The following MS4A4A variants were observed in gnomAD, a reference collection of about 807,000 sequenced individuals.
MS4A4A encodes the protein membrane-spanning 4-domains subfamily A member 4A.
MS4A4A carries 26 observed loss-of-function variants against 28.0 expected under a neutral mutation model. The ratio of observed to expected loss-of-function variants is 0.93; its 90% CI spans 0.68 to 1.29. The LOEUF is 1.29. Ranked by LOEUF, MS4A4A falls within the 50% of genes most tolerant of loss-of-function variation. The pLI is 0.00. For synonymous variants in MS4A4A, 86 were observed against 100.8 expected (o/e 0.85, Z 0.88); for missense variants, 290 against 293.1 (o/e 0.99, Z 0.08).
At chr11:60,304,676 C>A (rs11230239) in intron 5 of MS4A4A, among the ~76,000 whole-genome samples, 2 of 152,052 alleles carry the variant, frequency 1.3e-5, no homozygotes, top group African/African-American at 2.4e-5. Context: ...TGAAATACAA[C>A]GAAGCCCATT....
At chr11:60,285,002 A>G (rs2084791544) in intron 1 of MS4A4A, among the ~76,000 whole-genome samples, 1 of 152,222 alleles carries the variant, frequency 6.6e-6, no homozygotes, top group Non-Finnish European at 1.5e-5. Flanking sequence ...TAAATAGAAG[A>G]TATTCGGCCT....
chr11:60,291,058 G>A (rs2084851636), intron 1 of MS4A4A, among the ~76,000 whole-genome samples: 1 of 152,104 alleles, frequency 6.6e-6, no homozygotes, highest in Admixed American at 6.5e-5. Flanking sequence ...TATGGAAGTT[G>A]ATCATGAAAC....
chr11:60,282,743 A>C, intron 1 of MS4A4A: 1 of 1,258,952 alleles, frequency 7.9e-7, no homozygotes, highest in Non-Finnish European at 1.0e-6. Context: ...ATTCGAGGTA[A>C]GACTACAATA....
intron 5 of MS4A4A, among the ~76,000 whole-genome samples, chr11:60,304,789 G>A (rs2084983517): frequency 6.6e-6 from 1 of 152,150 alleles, no homozygotes; most frequent in South Asian, 2.1e-4. Context: ...ACATTATCTG[G>A]CCTTTACAGA....
chr11:60,297,378 T>C, intron 3 of MS4A4A, 53 bp downstream of exon 3: 5 of 1,586,554 alleles, frequency 3.2e-6, no homozygotes, highest in Non-Finnish European at 4.3e-6. Context: ...CAGTTGTCAA[T>C]ACCCTGATCT....
At chr11:60,290,089 A>T (rs1392669903) in intron 1 of MS4A4A, 1 of 445,440 alleles carries the variant, frequency 2.2e-6, no homozygotes, top group Admixed American at 2.4e-5. Context: ...TATGGACTCC[A>T]ATGGAGGACT....
intron 3 of MS4A4A, among the ~76,000 whole-genome samples, chr11:60,300,706 T>C (rs1219662976): frequency 6.6e-6 from 1 of 151,858 alleles, no homozygotes; most frequent in Non-Finnish European, 1.5e-5. Context: ...TTTGGTACCA[T>C]GTAAGAATTA....
chr11:60,307,963 C>A, intron 6 of MS4A4A, 144 bp from the exon 7 acceptor site: 1 of 748,574 alleles, frequency 1.3e-6, no homozygotes, highest in Non-Finnish European at 2.3e-6. Flanking sequence ...AAGAGAGTGA[C>A]TGAGAAACCC....
At chr11:60,290,909 A>T (rs1048467672) in intron 1 of MS4A4A, among the ~76,000 whole-genome samples, 1 of 151,508 alleles carries the variant, frequency 6.6e-6, no homozygotes, top group Admixed American at 6.6e-5. Flanking sequence ...GAGTACAACA[A>T]TTTTTTTTTC....
intron 1 of MS4A4A, among the ~76,000 whole-genome samples, chr11:60,284,148 C>T (rs1257055268): frequency 2.6e-5 from 4 of 152,138 alleles, no homozygotes; most frequent in Non-Finnish European, 4.4e-5. Flanking sequence ...AAATTTTGGC[C>T]CTGCCACTGT....
chr11:60,305,511 AATCTCT>A (rs1167138657), intron 5 of MS4A4A, among the ~76,000 whole-genome samples: 1 of 152,236 alleles, frequency 6.6e-6, no homozygotes, highest in Admixed American at 6.5e-5. Context: ...AGCATCTTCA[AATCTCT>A]CTTGAACTCT....
intron 1 of MS4A4A, among the ~76,000 whole-genome samples, chr11:60,291,811 A>AAC (rs2084859284): frequency 6.6e-6 from 1 of 150,974 alleles, no homozygotes; most frequent in African/African-American, 2.5e-5. Flanking sequence ...AAAAAAAACA[A>AAC]AAAAACAAAA....
intron 6 of MS4A4A, among the ~76,000 whole-genome samples, chr11:60,306,934 G>C (rs1267222110): frequency 6.6e-6 from 1 of 152,124 alleles, no homozygotes; most frequent in Non-Finnish European, 1.5e-5. Flanking sequence ...TTTACCCTGA[G>C]ACCTGCAGCT....
intron 6 of MS4A4A, among the ~76,000 whole-genome samples, chr11:60,306,501 C>T (rs1483755553): frequency 6.6e-6 from 1 of 152,210 alleles, no homozygotes; most frequent in East Asian, 1.9e-4. Flanking sequence ...TTGAAATCAG[C>T]CGGTTGCTAA....
chr11:60,282,097 C>T (rs1233592465), intron 1 of MS4A4A, among the ~76,000 whole-genome samples: 4 of 152,136 alleles, frequency 2.6e-5, no homozygotes, highest in Admixed American at 2.6e-4. Context: ...AAGCACCAGC[C>T]TTGAATGACC....
intron 1 of MS4A4A, among the ~76,000 whole-genome samples, chr11:60,289,593 GTA>G (rs1430185864): frequency 3.0e-3 from 193 of 64,132 alleles, no homozygotes; most frequent in African/African-American, 9.3e-3. Context: ...GTGTGTGTGT[GTA>G]TGTGTGTGTG....
At chr11:60,292,430 A>G in intron 2 of MS4A4A, 46 bp downstream of exon 2, 2 of 1,524,126 alleles carry the variant, frequency 1.3e-6, no homozygotes, top group East Asian at 2.4e-5. Context: ...GCAAACTCAT[A>G]TTTCATAAGA....
intron 3 of MS4A4A, 39 bp downstream of exon 3, chr11:60,297,364 A>G (rs747361911): frequency 6.2e-7 from 1 of 1,606,648 alleles, no homozygotes; most frequent in Non-Finnish European, 8.5e-7. Flanking sequence ...AAGATAACAT[A>G]AAGCAGTTGT....
Position 60,306,103 on chromosome 11 carries a change from C to A in MS4A4A, c.550C>A (p.Leu184Met), listed in dbSNP as rs1418646285. The A allele has an allele frequency of 2.5e-5, 40 of 1,610,504 alleles. No individual in the cohort carries two copies. In the East Asian group the frequency reaches 8.5e-4, roughly 34 times the overall value. Reference sequence around the variant, plus strand: ...TTTGTTATGAGTTTTCTCCTAGGGTCTGGATGGCATGGTGCTCCTCCTAAG... The same window carrying A: ...TTTGTTATGAGTTTTCTCCTAGGGTATGGATGGCATGGTGCTCCTCCTAAG... ...CHGTMSILMG[L>M]DGMVLLLSVL... The change falls in exon 6 of 7, where the codon CTG (leucine) becomes ATG (methionine). Residue 184 changes from leucine to methionine, a missense_variant. Physicochemically the swap from Leu to Met is conservative, Grantham distance 15 (BLOSUM62 2). Coordinates refer to ENST00000337908, the MANE Select transcript of MS4A4A (RefSeq NM_148975.3).
Sources: gnomAD v4.1 joint callset for allele counts (sites outside exome capture counted in the v4.1 genomes callset) on GRCh38, gnomAD v4.1.1 for gene constraint, MANE v1.5 for transcripts, NCBI Gene and HGNC (gene_info 2026-07-23, HGNC 2026-07-21) for gene names.